The following ADGRL4 variants were observed in gnomAD, a reference collection of about 807,000 sequenced individuals.
ADGRL4 encodes the protein EGF, latrophilin and seven transmembrane domain containing 1.
Under a neutral mutation model 74.8 loss-of-function variants are expected in ADGRL4, and 90 were observed. That is an observed-to-expected ratio of 1.20 (90% CI 1.02 to 1.43). The LOEUF (loss-of-function observed/expected upper bound fraction) is 1.43. Among genes scored for constraint, ADGRL4 ranks in the 40% most tolerant of loss-of-function variants. The pLI is 0.00. For synonymous variants in ADGRL4, 311 were observed against 279.2 expected (o/e 1.11, Z -1.14); for missense variants, 881 against 814.3 (o/e 1.08, Z -1.00).
chr1:78,913,413 T>C (rs1340243694), intron 12 of ADGRL4, among the ~76,000 whole-genome samples: 3 of 151,932 alleles, frequency 2.0e-5, no homozygotes, highest in Non-Finnish European at 4.4e-5. Flanking sequence ...AAAGAAAACA[T>C]GCATATACAC....
intron 8 of ADGRL4, among the ~76,000 whole-genome samples, chr1:78,922,830 GA>G (rs1263560605): frequency 9.9e-5 from 15 of 151,990 alleles, no homozygotes; most frequent in Admixed American, 3.3e-4. Context: ...ATTTATTAAA[GA>G]AAACATGTCC....
intron 12 of ADGRL4, among the ~76,000 whole-genome samples, chr1:78,902,923 G>A (rs1216863896): frequency 6.6e-6 from 1 of 151,876 alleles, no homozygotes; most frequent in Non-Finnish European, 1.5e-5. Flanking sequence ...GAACAACAAA[G>A]CTTTCCATCC....
At position 79,005,231 on chromosome 1, in the gene ADGRL4, A is replaced by T. The variant is rs1650934464; in HGVS notation, c.23-12T>A. On this transcript the variant is annotated splice_polypyrimidine_tract_variant and intron_variant, in intron 1 of 14. Coordinates refer to ENST00000370742, the MANE Select transcript of ADGRL4 (RefSeq NM_022159.4). The stretch of plus-strand genomic sequence containing the variant: ...AGTGGAAAAAACCACTAAATAAAAT[A>T]GAGAAATACACCTTTTCAAAAAGTA... 2 of 1,594,206 alleles carry T rather than the reference A, an allele frequency of 1.3e-6. No homozygotes were observed. The highest frequency in any genetic ancestry group is 1.7e-6 in the Non-Finnish European group (2 of 1,169,774).
chr1:78,987,272 T>C (rs1191987723), intron 2 of ADGRL4, among the ~76,000 whole-genome samples: 1 of 151,802 alleles, frequency 6.6e-6, no homozygotes, highest in Non-Finnish European at 1.5e-5. Flanking sequence ...CCAATTCCAA[T>C]GGGGAAACGC....
intron 2 of ADGRL4, among the ~76,000 whole-genome samples, chr1:78,969,497 A>G (rs527918664): frequency 1.3e-5 from 2 of 152,206 alleles, no homozygotes; most frequent in East Asian, 3.9e-4. Context: ...GGATCACCCA[A>G]CTCACAGATA....
At chr1:78,976,605 TTTGA>T (rs1396631929) in intron 2 of ADGRL4, among the ~76,000 whole-genome samples, 1 of 151,702 alleles carries the variant, frequency 6.6e-6, no homozygotes, top group East Asian at 1.9e-4. Context: ...ACATAAGACC[TTTGA>T]TTGTGTATGG....
At chr1:78,911,659 C>T (rs1648766283) in intron 12 of ADGRL4, among the ~76,000 whole-genome samples, 2 of 151,610 alleles carry the variant, frequency 1.3e-5, no homozygotes, top group South Asian at 4.1e-4. Flanking sequence ...GCTACACATA[C>T]ATTCCCTTGC....
At chr1:78,946,834 A>T (rs988597721) in intron 2 of ADGRL4, among the ~76,000 whole-genome samples, 2 of 152,214 alleles carry the variant, frequency 1.3e-5, no homozygotes, top group African/African-American at 4.8e-5. Context: ...ACATGTTGTT[A>T]TCATGTACTA....
intron 2 of ADGRL4, among the ~76,000 whole-genome samples, chr1:78,981,967 C>T (rs1006501334): frequency 5.3e-5 from 8 of 151,664 alleles, no homozygotes; most frequent in African/African-American, 1.9e-4. Context: ...TCTTTGTAAT[C>T]TGCCTCATAT....
chr1:78,931,139 C>T (rs1649233498), intron 7 of ADGRL4, among the ~76,000 whole-genome samples: 1 of 151,082 alleles, frequency 6.6e-6, no homozygotes. Context: ...ACAGATTCTC[C>T]AAGGCCAAAA....
At chr1:78,999,570 C>T (rs1354484262) in intron 2 of ADGRL4, among the ~76,000 whole-genome samples, 1 of 151,810 alleles carries the variant, frequency 6.6e-6, no homozygotes, top group Non-Finnish European at 1.5e-5. Flanking sequence ...GAGACTCCGT[C>T]TTAAATAAAT....
At chr1:78,936,562 ATG>A (rs1418592992) in intron 6 of ADGRL4, 151 bp from the exon 7 acceptor site, 17 of 699,544 alleles carry the variant, frequency 2.4e-5, no homozygotes, top group Admixed American at 4.3e-5. Context: ...TGTTTGGACA[ATG>A]TAATGTATAT....
intron 1 of ADGRL4, 142 bp downstream of exon 1, chr1:79,006,491 C>T (rs115193786): frequency 0.024 from 21,705 of 916,890 alleles, 354 homozygotes; most frequent in South Asian, 0.032. Context: ...AGAAAAACAT[C>T]CTGAGAAGTA....
chr1:78,898,663 A>T lies in ADGRL4; in HGVS notation c.1750-5474T>A, dbSNP rs138138183. On this transcript the variant is annotated intron_variant, in intron 12 of 14. Coordinates refer to ENST00000370742, the MANE Select transcript of ADGRL4 (RefSeq NM_022159.4). ...ACAGAAGAGAATAAAAATAGCTGTGAAGAAAAAAAGTCACTCAAAGTCATG... is the reference window on the plus strand; with the variant it reads ...ACAGAAGAGAATAAAAATAGCTGTGTAGAAAAAAAGTCACTCAAAGTCATG... 3.7e-3 allele frequency among the ~76,000 whole-genome samples: 569 copies of T among 152,262 alleles called. 6 individuals carry two copies. Among genetic ancestry groups the T allele is most frequent in the African/African-American group, 0.013 (544 of 41,586 alleles).
intron 3 of ADGRL4, among the ~76,000 whole-genome samples, chr1:78,940,810 G>A (rs903885152): frequency 3.9e-5 from 6 of 152,128 alleles, no homozygotes; most frequent in South Asian, 2.1e-4. Flanking sequence ...GCAGGTGTTC[G>A]TAATTTCTCA....
intron 8 of ADGRL4, among the ~76,000 whole-genome samples, chr1:78,926,237 A>C (rs1649112139): frequency 6.6e-6 from 1 of 152,086 alleles, no homozygotes; most frequent in Non-Finnish European, 1.5e-5. Context: ...ATTCTGTTGA[A>C]AGTTTAAGAT....
At chr1:78,905,228 C>T (rs1246704588) in intron 12 of ADGRL4, among the ~76,000 whole-genome samples, 1 of 151,880 alleles carries the variant, frequency 6.6e-6, no homozygotes, top group East Asian at 1.9e-4. Flanking sequence ...GTAAACAATT[C>T]CTCATTTCTG....
chr1:79,005,278 G>T, intron 1 of ADGRL4, 59 bp from the exon 2 acceptor site: 4 of 1,299,956 alleles, frequency 3.1e-6, no homozygotes, highest in Non-Finnish European at 4.2e-6. Flanking sequence ...TCTCCCCATT[G>T]TTGAATTAGA....
intron 1 of ADGRL4, among the ~76,000 whole-genome samples, chr1:79,006,031 A>C (rs1488973128): frequency 6.6e-6 from 1 of 152,204 alleles, no homozygotes; most frequent in East Asian, 1.9e-4. Flanking sequence ...AATAAGGAAA[A>C]GTAAAGTCGG....
Sources: allele counts gnomAD v4.1 joint callset (sites outside exome capture counted in the v4.1 genomes callset), GRCh38; gene constraint gnomAD v4.1.1; transcripts MANE v1.5; gene names NCBI Gene and HGNC (gene_info 2026-07-23, HGNC 2026-07-21).